RP1: variants seen among roughly 807,000 people sequenced by gnomAD.
RP1 encodes the protein oxygen-regulated protein 1.
In RP1, 16 loss-of-function variants were observed where a neutral mutation model predicts 14.8. The ratio of observed to expected loss-of-function variants is 1.08; its 90% CI spans 0.73 to 1.65. The LOEUF is 1.65. Among genes scored for constraint, RP1 ranks in the 40% most tolerant of loss-of-function variants. The pLI, the probability that RP1 is intolerant of heterozygous loss-of-function variation, is 0.00. For synonymous variants in RP1, 876 were observed against 883.6 expected, an observed-to-expected ratio of 0.99 and a Z score of 0.15; for missense variants, 2,631 against 2,535.0, an observed-to-expected ratio of 1.04 and a Z score of -0.81.
rs548539947 is a variant in RP1 at position 54,837,675 on chromosome 8, T to G, written c.3835+6T>G. The stretch of plus-strand genomic sequence containing the variant: ...AAAGAAAGCACCTTTGCCAGGTATA[T>G]AATTTCATTTCCTTTGTGATGTGTA... On this transcript the variant is annotated splice_donor_region_variant and intron_variant, in intron 25 of 28. Transcript: ENST00000637698. 29 of 1,216,010 alleles carry G rather than the reference T, an allele frequency of 2.4e-5. No individual in the cohort carries two copies. The South Asian group carries it at 6.7e-4, about 28-fold the overall frequency. 75.3% of individuals were successfully genotyped at this position (1,216,010 alleles called of 1,614,324 possible).
At chr8:54,610,001 G>C (rs989379685) in intron 1 of RP1, among the ~76,000 whole-genome samples, 3 of 152,112 alleles carry the variant, frequency 2.0e-5, no homozygotes, top group Admixed American at 6.5e-5. Context: ...CTAACAGAAA[G>C]AAAACTAGCA....
chr8:54,680,019 T>G, intron 12 of RP1: 5 of 1,441,444 alleles, frequency 3.5e-6, no homozygotes, highest in Non-Finnish European at 2.7e-6. Context: ...TAATTTATAG[T>G]TTTGTTCTTT....
chr8:54,633,710 C>CTCTCT (rs1806291723), downstream of RP1, among the ~76,000 whole-genome samples: 3 of 118,532 alleles, frequency 2.5e-5, no homozygotes, highest in Admixed American at 9.2e-5. Context: ...TTATTTTGTG[C>CTCTCT]CTCTCTCTCT....
chr8:54,792,632 T>G (rs746961616), intron 24 of RP1, among the ~76,000 whole-genome samples: 2 of 151,784 alleles, frequency 1.3e-5, no homozygotes, highest in Non-Finnish European at 3.0e-5. Context: ...AATCAAAAAA[T>G]AACTTGAGAC....
At chr8:54,855,827 A>G (rs1455747014) in intron 26 of RP1, among the ~76,000 whole-genome samples, 1 of 152,188 alleles carries the variant, frequency 6.6e-6, no homozygotes, top group Admixed American at 6.5e-5. Context: ...AAACTTAAAA[A>G]GAATAACAAT....
intron 12 of RP1, among the ~76,000 whole-genome samples, chr8:54,690,839 A>G (rs2129339262): frequency 6.6e-6 from 1 of 152,116 alleles, no homozygotes; most frequent in African/African-American, 2.4e-5. Flanking sequence ...GGGAGTGTTT[A>G]AGCTTATGTT....
chr8:54,831,360 G>GT (rs1417909336), intron 24 of RP1, among the ~76,000 whole-genome samples: 2 of 115,114 alleles, frequency 1.7e-5, no homozygotes, highest in Non-Finnish European at 3.8e-5. Flanking sequence ...GTATTAATTT[G>GT]TTTCTCCTTT....
At chr8:54,587,646 G>T (rs1466390505) in intron 1 of RP1, among the ~76,000 whole-genome samples, 2 of 152,292 alleles carry the variant, frequency 1.3e-5, no homozygotes, top group East Asian at 3.9e-4. Context: ...ATTTCTGAAG[G>T]TTTGTTAGAC....
intron 1 of RP1, among the ~76,000 whole-genome samples, chr8:54,563,880 C>G (rs1804343796): frequency 6.6e-6 from 1 of 152,170 alleles, no homozygotes; most frequent in South Asian, 2.1e-4. Flanking sequence ...AAAATCTTCA[C>G]ACCTTGGCCC....
intron 17 of RP1, among the ~76,000 whole-genome samples, chr8:54,731,624 T>C (rs1435736079): frequency 1.3e-5 from 2 of 152,174 alleles, no homozygotes; most frequent in African/African-American, 4.8e-5. Context: ...TTTTATAATA[T>C]GAGTGTACCC....
chr8:54,634,079 T>C (rs972026712), downstream of RP1, among the ~76,000 whole-genome samples: 5 of 152,192 alleles, frequency 3.3e-5, no homozygotes, highest in Admixed American at 6.5e-5. Context: ...TCCCTGTTTA[T>C]TGAGGTTAAG....
chr8:54,779,655 A>G (rs1810133274), intron 23 of RP1, among the ~76,000 whole-genome samples: 1 of 152,234 alleles, frequency 6.6e-6, no homozygotes, highest in Non-Finnish European at 1.5e-5. Flanking sequence ...GCTCACCAAA[A>G]TAACTCAACC....
intron 27 of RP1, among the ~76,000 whole-genome samples, chr8:54,858,086 A>C (rs956978521): frequency 6.6e-6 from 1 of 152,162 alleles, no homozygotes; most frequent in African/African-American, 2.4e-5. Flanking sequence ...GTATAGTTTA[A>C]TTAGTGACCA....
intron 25 of RP1, among the ~76,000 whole-genome samples, chr8:54,848,849 A>G (rs537470448): frequency 2.0e-5 from 3 of 152,194 alleles, no homozygotes; most frequent in African/African-American, 7.2e-5. Context: ...CCTGGGTTCA[A>G]GCTATTCTCC....
chr8:54,660,953 T>C (rs1034109360), intron 6 of RP1, among the ~76,000 whole-genome samples: 5 of 151,960 alleles, frequency 3.3e-5, no homozygotes, highest in African/African-American at 1.2e-4. Context: ...TCCGCTTGTT[T>C]TCTCTCTCCA....
At chr8:54,624,171 G>T (rs983632929) in intron 3 of RP1, among the ~76,000 whole-genome samples, 25 of 152,092 alleles carry the variant, frequency 1.6e-4, no homozygotes, top group Non-Finnish European at 2.4e-4. Context: ...GCTGAGCGTG[G>T]TGGCTCAAGC....
intron 1 of RP1, among the ~76,000 whole-genome samples, chr8:54,591,221 A>C (rs367596576): frequency 6.6e-6 from 1 of 152,140 alleles, no homozygotes; most frequent in Non-Finnish European, 1.5e-5. Flanking sequence ...AAAAAAGTAC[A>C]ATCTAAACTC....
In RP1 at chr8:54,721,737, C is replaced by T. The variant is rs531233046; in HGVS notation, c.2389+1431C>T. On this transcript the variant is annotated intron_variant, in intron 16 of 22. Coordinates refer to the RP1 transcript ENST00000636932. ...TACTAGAGGCAACCTCCTGCTTTAA[C>T]AAGGGCAAGAATGCAGGAGACATTG... 4.6e-5 allele frequency among the ~76,000 whole-genome samples: 7 copies of T among 152,300 alleles called. No individual in the cohort carries two copies. In the South Asian group the frequency reaches 1.5e-3, roughly 32 times the overall value.
intron 15 of RP1, among the ~76,000 whole-genome samples, chr8:54,709,724 A>G (rs1421280891): frequency 6.6e-6 from 1 of 152,210 alleles, no homozygotes; most frequent in African/African-American, 2.4e-5. Context: ...TAGCTAGGTT[A>G]CATGAGCCTT....
Sources: gnomAD v4.1 joint callset for allele counts (sites outside exome capture counted in the v4.1 genomes callset) on GRCh38, gnomAD v4.1.1 for gene constraint, MANE v1.5 for transcripts, NCBI Gene and HGNC (gene_info 2026-07-23, HGNC 2026-07-21) for gene names.